The following MORN3 variants were observed in gnomAD, a reference collection of about 807,000 sequenced individuals.
The protein encoded by MORN3 is MORN repeat containing 3.
A neutral mutation model predicts 34.7 loss-of-function variants in MORN3; 38 were observed. The ratio of observed to expected loss-of-function variants is 1.10; its 90% CI spans 0.85 to 1.44. The LOEUF (loss-of-function observed/expected upper bound fraction) is 1.44. Among genes scored for constraint, MORN3 ranks in the 40% most tolerant of loss-of-function variants. The pLI is 0.00. For missense variants in MORN3, 311 were observed against 321.7 expected (o/e 0.97, Z 0.25); for synonymous variants, 109 against 115.3 (o/e 0.95, Z 0.35).
At chr12:121,653,477 C>T (rs944889447) in intron 3 of MORN3, among the ~76,000 whole-genome samples, 1 of 151,364 alleles carries the variant, frequency 6.6e-6, no homozygotes, top group Non-Finnish European at 1.5e-5. Context: ...TAGTGGTGTG[C>T]ACCTATAGTC....
intron 1 of MORN3, among the ~76,000 whole-genome samples, chr12:121,666,614 A>C (rs140510034): frequency 6.6e-6 from 1 of 152,114 alleles, no homozygotes; most frequent in African/African-American, 2.4e-5. Flanking sequence ...GAGAGAAAAA[A>C]GGCCAGCCAG....
intron 5 of MORN3, among the ~76,000 whole-genome samples, chr12:121,651,850 G>C (rs1201402658): frequency 6.6e-6 from 1 of 152,158 alleles, no homozygotes; most frequent in Non-Finnish European, 1.5e-5. Flanking sequence ...CCCGTGCCCA[G>C]CTCAGTTGTG....
In MORN3 at chr12:121,651,181, G is replaced by C. The variant is rs938148869; in HGVS notation, c.*470C>G. On this transcript the variant is annotated 3_prime_UTR_variant, in exon 6 of 6. Coordinates refer to ENST00000355329, the MANE Select transcript of MORN3 (RefSeq NM_173855.5). ...TTGCTATGTTGCCTAAGCTGGTCTCGAACTCCTGGCCTCAGGCAGTCCTCT... is the reference window on the plus strand; with the variant it reads ...TTGCTATGTTGCCTAAGCTGGTCTCCAACTCCTGGCCTCAGGCAGTCCTCT... 6.6e-6 allele frequency: 1 copy of C among 151,132 alleles called. No homozygotes were observed. The highest frequency in any genetic ancestry group is 1.5e-5 in the Non-Finnish European group (1 of 67,862). 9.4% of individuals were successfully genotyped at this position (151,132 alleles called of 1,614,324 possible).
chr12:121,662,233 G>A (rs199733465), intron 1 of MORN3, among the ~76,000 whole-genome samples: 1 of 152,136 alleles, frequency 6.6e-6, no homozygotes, highest in Non-Finnish European at 1.5e-5. Context: ...TTGGGAGGCT[G>A]AGGCAGGTAA....
At chr12:121,655,231 C>A (rs1893382883) in intron 2 of MORN3, among the ~76,000 whole-genome samples, 1 of 151,676 alleles carries the variant, frequency 6.6e-6, no homozygotes, top group African/African-American at 2.4e-5. Flanking sequence ...GCCTGTGATC[C>A]CAGTTACTGG....
rs78670898 is a variant in MORN3 at position 121,649,881 on chromosome 12, G to A, written c.*1770C>T. On this transcript the variant is annotated 3_prime_UTR_variant, in exon 6 of 6. Coordinates refer to ENST00000355329, the MANE Select transcript of MORN3 (RefSeq NM_173855.5). ...TGAATTCTTTTTTTTTTTTTTTTTT[G>A]TAGCATGGTGATATTGCACTATGCT... is the stretch of plus-strand genomic sequence containing the variant. The A allele has an allele frequency of 4.2e-5, 2 of 47,968 alleles. No individual in the cohort carries two copies. Among genetic ancestry groups the A allele is most frequent in the African/African-American group, 1.8e-4 (2 of 11,416 alleles). 3.0% of individuals were successfully genotyped at this position (47,968 alleles called of 1,614,324 possible).
At chr12:121,667,811 C>T (rs917828160) in intron 1 of MORN3, among the ~76,000 whole-genome samples, 1 of 151,612 alleles carries the variant, frequency 6.6e-6, no homozygotes, top group Admixed American at 6.6e-5. Context: ...GCAAGCTCCG[C>T]CTCCTGGGTT....
At chr12:121,653,324 G>A (rs1893309035) in intron 3 of MORN3, 65 bp from the exon 4 acceptor site, 9 of 1,522,238 alleles carry the variant, frequency 5.9e-6, no homozygotes, top group African/African-American at 4.1e-5. Flanking sequence ...CCCAGGGGTC[G>A]CTCTTCCAGA....
At position 121,669,653 on chromosome 12, in the gene MORN3, C is replaced by G; in HGVS notation, c.-170G>C. ...TTAGTGGGGATCCTTTAGTGCTGGA[C>G]TGACCTTTGGTTGGCCCCTCCCTTG... On this transcript the variant is annotated 5_prime_UTR_variant, in exon 1 of 6. Coordinates refer to ENST00000355329, the MANE Select transcript of MORN3 (RefSeq NM_173855.5). 1 of 931,562 alleles carries G rather than the reference C, an allele frequency of 1.1e-6. No individual in the cohort carries two copies. The highest frequency in any genetic ancestry group is 1.6e-6 in the Non-Finnish European group (1 of 640,238). 57.7% of individuals were successfully genotyped at this position (931,562 alleles called of 1,614,324 possible). A position where few individuals can be genotyped will look rare whatever the true frequency, so the allele number is the denominator to read the frequency against.
chr12:121,662,328 G>T (rs538444230), intron 1 of MORN3, among the ~76,000 whole-genome samples: 112 of 152,258 alleles, frequency 7.4e-4, no homozygotes, highest in Non-Finnish European at 1.1e-3. Flanking sequence ...TTAGCCTGGT[G>T]TGGTGGCGCA....
At chr12:121,659,628 G>A (rs1893520830) in intron 1 of MORN3, among the ~76,000 whole-genome samples, 1 of 151,306 alleles carries the variant, frequency 6.6e-6, no homozygotes, top group African/African-American at 2.4e-5. Context: ...TCTGCCTCCC[G>A]GGTTCAGGAG....
At chr12:121,672,074 C>T (rs1292139337), upstream of MORN3, among the ~76,000 whole-genome samples, 1 of 152,136 alleles carries the variant, frequency 6.6e-6, no homozygotes, top group Admixed American at 6.6e-5. Flanking sequence ...GTTTAGGGAA[C>T]ATAGGTTCTA....
chr12:121,652,657 T>C, intron 5 of MORN3, 71 bp downstream of exon 5: 1 of 1,434,998 alleles, frequency 7.0e-7, no homozygotes, highest in Non-Finnish European at 9.8e-7. Flanking sequence ...CCCCAGGAGA[T>C]CTGTGCATTG....
intron 1 of MORN3, among the ~76,000 whole-genome samples, chr12:121,664,590 C>T (rs772234559): frequency 1.3e-5 from 2 of 152,176 alleles, no homozygotes; most frequent in Non-Finnish European, 2.9e-5. Context: ...GAAATCTCGT[C>T]TCTACTGAAG....
At chr12:121,659,092 C>G in intron 2 of MORN3, 99 bp downstream of exon 2, 1 of 1,492,714 alleles carries the variant, frequency 6.7e-7, no homozygotes, top group South Asian at 1.3e-5. Flanking sequence ...CCTCCCCTCT[C>G]TTTTCTCCCA....
At chr12:121,670,911 C>T (rs569054727), upstream of MORN3, among the ~76,000 whole-genome samples, 45 of 150,024 alleles carry the variant, frequency 3.0e-4, no homozygotes, top group Non-Finnish European at 6.4e-4. Context: ...AGGAGTTCAA[C>T]ACCAGCCTGG....
At position 121,656,508 on chromosome 12, in the gene MORN3, TTTTA is replaced by T. The variant is rs575688293; in HGVS notation, c.304-2079_304-2076del. Among the ~76,000 whole-genome samples, 5 of 151,802 alleles carry T rather than the reference TTTTA, an allele frequency of 3.3e-5. No homozygotes were observed. The East Asian group carries it at 5.8e-4, about 18-fold the overall frequency. On this transcript the variant is annotated intron_variant, in intron 2 of 5. Coordinates refer to ENST00000355329, the MANE Select transcript of MORN3 (RefSeq NM_173855.5). The stretch of plus-strand genomic sequence containing the variant: ...CTAGCTAATTATTATTATTATATAG[TTTTA>T]TTTATTTATTTATTTATTTTGAGAT...
At chr12:121,657,948 A>G (rs1412050368) in intron 2 of MORN3, among the ~76,000 whole-genome samples, 1 of 151,376 alleles carries the variant, frequency 6.6e-6, no homozygotes, top group Admixed American at 6.6e-5. Flanking sequence ...CTCTTTCTCT[A>G]TTGCAATTCC....
At position 121,653,126 on chromosome 12, in the gene MORN3, G is replaced by A. The variant is rs150726577; in HGVS notation, c.597C>T (p.Ile199=). The A allele has an allele frequency of 2.2e-5, 35 of 1,613,918 alleles. No homozygotes were observed. Among genetic ancestry groups the A allele is most frequent in the African/African-American group, 6.7e-5 (5 of 74,932 alleles). The change falls in exon 4 of 6, where the codon ATC becomes ATT. Residue 199 remains isoleucine (I), a synonymous_variant. Transcript: ENST00000355329. ...CAGGGGCCTCGTCACGGCCAAAGTC[G>A]ATCATCGTCCCGCATTTGGCCATAT... ...VDNMAKCGTM[I]DFGRDEAPEP...
Sources: gnomAD v4.1 joint callset for allele counts (sites outside exome capture counted in the v4.1 genomes callset) on GRCh38, gnomAD v4.1.1 for gene constraint, MANE v1.5 for transcripts, NCBI Gene and HGNC (gene_info 2026-07-23, HGNC 2026-07-21) for gene names.